CERS3: variants seen among roughly 807,000 people sequenced by gnomAD.
CERS3 encodes LAG1 homolog, ceramide synthase 3.
Under a neutral mutation model 50.3 loss-of-function variants are expected in CERS3, and 33 were observed. That is an observed-to-expected ratio of 0.66 (90% CI 0.50 to 0.88). The LOEUF is 0.88. Among genes scored for constraint, CERS3 ranks in the 40% least tolerant of loss-of-function variants. CERS3 has a pLI of 0.00. For missense variants in CERS3, 470 were observed against 460.3 expected, an observed-to-expected ratio of 1.02 and a Z score of -0.19; for synonymous variants, 176 against 155.2, an observed-to-expected ratio of 1.13 and a Z score of -0.99.
chr15:100,438,437 T>C (rs989399858), intron 11 of CERS3, among the ~76,000 whole-genome samples: 13 of 152,228 alleles, frequency 8.5e-5, no homozygotes, highest in Admixed American at 6.5e-5. Context: ...AATTTTTGAA[T>C]ATTCACTATT....
chr15:100,471,016 G>C (rs965872760), intron 9 of CERS3, among the ~76,000 whole-genome samples: 1 of 152,184 alleles, frequency 6.6e-6, no homozygotes, highest in Admixed American at 6.5e-5. Flanking sequence ...TAAGCCATGG[G>C]CTGTGCACCC....
intron 10 of CERS3, among the ~76,000 whole-genome samples, chr15:100,456,725 T>C (rs1367587171): frequency 6.6e-6 from 1 of 152,138 alleles, no homozygotes; most frequent in Non-Finnish European, 1.5e-5. Context: ...GGTGGACAGA[T>C]CACCTGAGGT....
At chr15:100,497,284 C>CAG (rs1009155242) in intron 3 of CERS3, among the ~76,000 whole-genome samples, 16 of 150,408 alleles carry the variant, frequency 1.1e-4, no homozygotes, top group Admixed American at 6.6e-4. Flanking sequence ...GAGACACACA[C>CAG]AGAGAGAGAG....
At chr15:100,502,335 C>T (rs1013460456) in intron 2 of CERS3, among the ~76,000 whole-genome samples, 1 of 150,476 alleles carries the variant, frequency 6.6e-6, no homozygotes, top group Non-Finnish European at 1.5e-5. Context: ...TTATATGATC[C>T]TTCATTGCAT....
intron 4 of CERS3, among the ~76,000 whole-genome samples, chr15:100,485,689 C>T (rs1044019062): frequency 2.6e-5 from 4 of 152,026 alleles, no homozygotes; most frequent in Non-Finnish European, 4.4e-5. Context: ...TATGGTGAAA[C>T]CCCATCTCTA....
rs532527207 is a variant in CERS3, at chr15:100,497,424, A to G, written c.173+4253T>C. Among the ~76,000 whole-genome samples, 4 of 152,160 alleles carry G rather than the reference A, an allele frequency of 2.6e-5. No homozygotes were observed. In the South Asian group the frequency reaches 8.3e-4, roughly 32 times the overall value. On this transcript the variant is annotated intron_variant, in intron 3 of 11. Transcript: ENST00000679737. ...TTGAATTAGTTCATTTATCCAACCTAGTAGCTGGAAAATTTTAGTGGAGAA... is the reference window on the plus strand; with the variant it reads ...TTGAATTAGTTCATTTATCCAACCTGGTAGCTGGAAAATTTTAGTGGAGAA...
Position 100,484,607 on chromosome 15 carries a change from A to G in CERS3, c.350T>C (p.Phe117Ser). The change falls in exon 5 of 12, where the codon TTT (phenylalanine) becomes TCT (serine). Residue 117 changes from phenylalanine (F) to serine (S), a missense_variant. By Grantham distance (155) the Phe-to-Ser change is radical. Transcript: ENST00000679737. ...CCTCTCTTGATTCCGCCGACTCCTA[A>G]ACCATCTTTCCACCTGGCGCTCCGT... ...NLTERQVERW[F>S]RSRRNQERPS... 6.2e-7 allele frequency: 1 copy of G among 1,614,192 alleles called. No individual in the cohort carries two copies. Among genetic ancestry groups the G allele is most frequent in the Non-Finnish European group, 8.5e-7 (1 of 1,180,020 alleles).
In CERS3 at chr15:100,451,706, C is replaced by CA. The variant is rs59479206; in HGVS notation, c.999+4186dup. On this transcript the variant is annotated intron_variant, in intron 11 of 11. Transcript: ENST00000679737. ...CGGGTGACAGAGCAAGACTCTGTCT[C>CA]AAAAAAAACAAAAAACAAAACAAAC... 2.6e-4 allele frequency among the ~76,000 whole-genome samples: 39 copies of CA among 150,412 alleles called. 1 individual carries two copies. The highest frequency in any genetic ancestry group is 2.3e-3 in the South Asian group (11 of 4,762).
At chr15:100,431,761 C>T (rs550861110) in intron 11 of CERS3, among the ~76,000 whole-genome samples, 5 of 152,134 alleles carry the variant, frequency 3.3e-5, no homozygotes, top group African/African-American at 4.8e-5. Context: ...CTCGATCTCA[C>T]CTCTGTAGAT....
At chr15:100,485,650 G>A (rs1053043361) in intron 4 of CERS3, among the ~76,000 whole-genome samples, 2 of 152,104 alleles carry the variant, frequency 1.3e-5, no homozygotes, top group African/African-American at 2.4e-5. Context: ...CCGAGAAGGC[G>A]GTCAGGAGTT....
chr15:100,417,371 G>T (rs540073356), intron 11 of CERS3, among the ~76,000 whole-genome samples: 4 of 152,082 alleles, frequency 2.6e-5, no homozygotes, highest in African/African-American at 9.7e-5. Flanking sequence ...GCGCTTTTCC[G>T]ACGGGCTTAA....
At chr15:100,479,325 A>T in intron 7 of CERS3, 103 bp downstream of exon 7, 1 of 816,940 alleles carries the variant, frequency 1.2e-6, no homozygotes, top group Non-Finnish European at 2.0e-6. Flanking sequence ...GGGATGACAC[A>T]GTAGTGAACA....
chr15:100,419,444 G>A (rs1372126382), intron 11 of CERS3, among the ~76,000 whole-genome samples: 39 of 135,334 alleles, frequency 2.9e-4, no homozygotes, highest in African/African-American at 4.7e-4. Flanking sequence ...AGTCCTGAGT[G>A]ACCTACAAAG....
intron 11 of CERS3, among the ~76,000 whole-genome samples, chr15:100,447,316 G>T (rs1407631135): frequency 2.6e-5 from 4 of 152,108 alleles, no homozygotes; most frequent in East Asian, 1.9e-4. Flanking sequence ...TCAAGCAATT[G>T]CCAATCAGAA....
chr15:100,487,013 T>C (rs1421794777), intron 4 of CERS3, among the ~76,000 whole-genome samples: 2 of 152,156 alleles, frequency 1.3e-5, no homozygotes, highest in Non-Finnish European at 2.9e-5. Flanking sequence ...AAGAATCTAG[T>C]TGGAAGTCAG....
At position 100,455,807 on chromosome 15, in the gene CERS3, T is replaced by C. The variant is rs372201537; in HGVS notation, c.999+86A>G. On this transcript the variant is annotated intron_variant, in intron 11 of 11. Coordinates refer to ENST00000679737, the MANE Select transcript of CERS3 (RefSeq NM_001378789.1). Reference sequence around the variant, plus strand: ...GAAAAAAGAATTCTGGTTAAAACTATGAATTAACTTGAACATTCAACAGTC... The same window carrying C: ...GAAAAAAGAATTCTGGTTAAAACTACGAATTAACTTGAACATTCAACAGTC... The C allele has an allele frequency of 2.7e-5, 22 of 821,206 alleles. No homozygotes were observed. The African/African-American group carries it at 3.3e-4, about 12-fold the overall frequency. 50.9% of individuals were successfully genotyped at this position (821,206 alleles called of 1,614,324 possible). A position where few individuals can be genotyped will look rare whatever the true frequency, so the allele number is the denominator to read the frequency against.
intron 1 of CERS3, among the ~76,000 whole-genome samples, chr15:100,543,736 G>A (rs1340135252): frequency 6.6e-6 from 1 of 152,030 alleles, no homozygotes; most frequent in Non-Finnish European, 1.5e-5. Flanking sequence ...CACCATGTTG[G>A]CCAGGCTAGT....
chr15:100,463,273 A>G (rs1203221597), intron 10 of CERS3, among the ~76,000 whole-genome samples: 1 of 151,874 alleles, frequency 6.6e-6, no homozygotes. Flanking sequence ...CGTTTCTACT[A>G]AAAATACAAA....
At chr15:100,437,511 G>T (rs2033474670) in intron 11 of CERS3, among the ~76,000 whole-genome samples, 1 of 152,166 alleles carries the variant, frequency 6.6e-6, no homozygotes, top group Admixed American at 6.5e-5. Context: ...GGAGCCTTGG[G>T]TTTCAAGTCA....
Sources: gnomAD v4.1 joint callset for allele counts (sites outside exome capture counted in the v4.1 genomes callset) on GRCh38, gnomAD v4.1.1 for gene constraint, MANE v1.5 for transcripts, NCBI Gene and HGNC (gene_info 2026-07-23, HGNC 2026-07-21) for gene names.